CIMIP6: variants seen among roughly 807,000 people sequenced by gnomAD.
CIMIP6 encodes uncharacterized protein C2orf73.
At chr2:54,366,284 G>A in the CIMIP6 span, among the ~76,000 whole-genome samples, 1 of 152,160 alleles carries the variant, frequency 6.6e-6, no homozygotes, top group African/African-American at 2.4e-5. Flanking sequence ...ATAGTTTAAG[G>A]TTTTAGCCAT....
At chr2:54,361,327 CT>C in the CIMIP6 span, 1 of 152,248 alleles carries the variant, frequency 6.6e-6, no homozygotes, top group East Asian at 1.9e-4. Context: ...TCAACCTTTG[CT>C]TTTTGGATGA....
At chr2:54,362,150 T>G in the CIMIP6 span, among the ~76,000 whole-genome samples, 55 of 152,082 alleles carry the variant, frequency 3.6e-4, no homozygotes, top group Admixed American at 2.9e-3. Context: ...ACCACTGAAG[T>G]CCCTGACAAA....
At chr2:54,372,140 A>G in the CIMIP6 span, among the ~76,000 whole-genome samples, 1 of 152,306 alleles carries the variant, frequency 6.6e-6, no homozygotes, top group African/African-American at 2.4e-5. Flanking sequence ...CAGATAAAGA[A>G]TGTGGGGTGG....
At chr2:54,354,870 G>A in the CIMIP6 span, among the ~76,000 whole-genome samples, 5 of 151,582 alleles carry the variant, frequency 3.3e-5, no homozygotes, top group African/African-American at 9.7e-5. Context: ...TTTTAGTTCT[G>A]AGTTTTTACA....
the CIMIP6 span, among the ~76,000 whole-genome samples, chr2:54,377,725 C>T: frequency 1.3e-5 from 2 of 151,638 alleles, no homozygotes; most frequent in Non-Finnish European, 2.9e-5. Flanking sequence ...TCTGTATTCA[C>T]AGCTCCTTGG....
chr2:54,367,745 C>T, the CIMIP6 span, among the ~76,000 whole-genome samples: 43 of 152,088 alleles, frequency 2.8e-4, no homozygotes, highest in Non-Finnish European at 1.0e-4. Flanking sequence ...TCAGGATGCT[C>T]TATAATATTT....
the CIMIP6 span, among the ~76,000 whole-genome samples, chr2:54,337,220 G>C: frequency 1.3e-5 from 2 of 152,060 alleles, no homozygotes; most frequent in African/African-American, 2.4e-5. Flanking sequence ...AGCTCTCTTC[G>C]TACTGATGAC....
At chr2:54,357,849 T>C in the CIMIP6 span, among the ~76,000 whole-genome samples, 1 of 152,006 alleles carries the variant, frequency 6.6e-6, no homozygotes, top group Non-Finnish European at 1.5e-5. Flanking sequence ...CCTCCCAAAG[T>C]GCTGGGATTA....
At chr2:54,357,150 A>T in the CIMIP6 span, among the ~76,000 whole-genome samples, 45 of 152,242 alleles carry the variant, frequency 3.0e-4, no homozygotes, top group Non-Finnish European at 5.7e-4. Flanking sequence ...TTAGAAATCA[A>T]GAAAATGTTA....
chr2:54,353,533 T>C, the CIMIP6 span, among the ~76,000 whole-genome samples: 3 of 151,822 alleles, frequency 2.0e-5, no homozygotes, highest in African/African-American at 7.3e-5. Context: ...AGAGGGGAGA[T>C]TGGGAGTGGG....
chr2:54,380,986 G>C, the CIMIP6 span, among the ~76,000 whole-genome samples: 1 of 152,294 alleles, frequency 6.6e-6, no homozygotes, highest in Middle Eastern at 3.4e-3. Context: ...TTTCTCCACT[G>C]GGTTTTGTGG....
chr2:54,347,463 A>G, the CIMIP6 span, among the ~76,000 whole-genome samples: 2 of 152,238 alleles, frequency 1.3e-5, no homozygotes, highest in Non-Finnish European at 2.9e-5. Flanking sequence ...ATGTATCTAC[A>G]TATGGCATAT....
chr2:54,376,111 C>T, the CIMIP6 span, among the ~76,000 whole-genome samples: 4 of 152,150 alleles, frequency 2.6e-5, no homozygotes, highest in African/African-American at 9.7e-5. Context: ...ACACAGCTTA[C>T]TACAGCCTCA....
the CIMIP6 span, among the ~76,000 whole-genome samples, chr2:54,347,631 T>C: frequency 6.6e-6 from 1 of 152,106 alleles, no homozygotes; most frequent in Non-Finnish European, 1.5e-5. Context: ...CAGGGCTCAG[T>C]CATTTCATAA....
chr2:54,360,108 C>T, the CIMIP6 span: 2 of 1,429,530 alleles, frequency 1.4e-6, no homozygotes, highest in Non-Finnish European at 1.8e-6. Context: ...GCATCACTGA[C>T]TAGGACTTGA....
At chr2:54,368,097 A>G in the CIMIP6 span, among the ~76,000 whole-genome samples, 4 of 152,314 alleles carry the variant, frequency 2.6e-5, no homozygotes, top group Admixed American at 2.6e-4. Context: ...TTTCATGACT[A>G]GAATATTAAT....
chr2:54,331,683 G>GAC, the CIMIP6 span, among the ~76,000 whole-genome samples: 70 of 152,120 alleles, frequency 4.6e-4, 1 homozygote, highest in African/African-American at 1.7e-3. Context: ...CCACCCCCGA[G>GAC]ACACACAGAA....
the CIMIP6 span, among the ~76,000 whole-genome samples, chr2:54,347,801 G>GATACC: frequency 2.0e-5 from 3 of 152,118 alleles, no homozygotes; most frequent in Non-Finnish European, 2.9e-5. Context: ...TGCCTCAGAG[G>GATACC]TATGTGATGC....
the CIMIP6 span, among the ~76,000 whole-genome samples, chr2:54,341,856 G>A: frequency 1.3e-5 from 2 of 152,056 alleles, no homozygotes. Flanking sequence ...GAGTGGAGAA[G>A]AGCTGCCAGA....
Sources: allele counts gnomAD v4.1 joint callset (sites outside exome capture counted in the v4.1 genomes callset), GRCh38; gene constraint gnomAD v4.1.1; transcripts MANE v1.5; gene names NCBI Gene and HGNC (gene_info 2026-07-23, HGNC 2026-07-21).